PDE4B: variants seen among roughly 807,000 people sequenced by gnomAD.
PDE4B encodes 3',5'-cyclic-AMP phosphodiesterase 4B.
Under a neutral mutation model 82.2 loss-of-function variants are expected in PDE4B, and 20 were observed. The observed-to-expected ratio is 0.24, with a 90% CI of 0.17 to 0.35. The LOEUF is 0.35. PDE4B is among the 10% of genes least tolerant of loss of function. The probability of loss-of-function intolerance (pLI) is 1.00; values close to 1 mark genes in which losing one functional copy is unlikely to be tolerated. For missense variants in PDE4B, 655 were observed against 907.2 expected, an observed-to-expected ratio of 0.72 and a Z score of 3.57; for synonymous variants, 320 against 318.9, an observed-to-expected ratio of 1.00 and a Z score of -0.04.
intron 3 of PDE4B, among the ~76,000 whole-genome samples, chr1:65,968,980 C>T (rs1299754160): frequency 2.6e-5 from 4 of 152,030 alleles, no homozygotes; most frequent in African/African-American, 9.7e-5. Context: ...CAGCATTGCT[C>T]GTTTTGTTCC....
chr1:66,288,216 G>A (rs1328393092), intron 7 of PDE4B, among the ~76,000 whole-genome samples: 1 of 151,984 alleles, frequency 6.6e-6, no homozygotes, highest in African/African-American at 2.4e-5. Context: ...GCAAGAGAGA[G>A]AGGGCAAGGT....
intron 3 of PDE4B, among the ~76,000 whole-genome samples, chr1:66,030,142 G>T (rs1331029932): frequency 6.6e-6 from 1 of 151,898 alleles, no homozygotes; most frequent in African/African-American, 2.4e-5. Context: ...TGTTTATGGG[G>T]TGAATCACAT....
At chr1:66,235,632 C>T (rs1652348856) in intron 3 of PDE4B, among the ~76,000 whole-genome samples, 1 of 152,036 alleles carries the variant, frequency 6.6e-6, no homozygotes, top group Non-Finnish European at 1.5e-5. Context: ...TCAGGTCATG[C>T]TTTTTTAATC....
chr1:66,305,954 G>A (rs1012593274), intron 7 of PDE4B, among the ~76,000 whole-genome samples: 6 of 152,048 alleles, frequency 3.9e-5, no homozygotes, highest in Admixed American at 6.6e-5. Context: ...ACAAAGGGCC[G>A]CAGCAGAGGC....
chr1:66,037,932 A>T (rs767212204), intron 3 of PDE4B, among the ~76,000 whole-genome samples: 5 of 152,192 alleles, frequency 3.3e-5, no homozygotes, highest in Admixed American at 6.5e-5. Context: ...TTTAAATTGT[A>T]TGATAAATTA....
At chr1:66,207,815 A>G (rs1649677856) in intron 3 of PDE4B, among the ~76,000 whole-genome samples, 1 of 152,190 alleles carries the variant, frequency 6.6e-6, no homozygotes, top group African/African-American at 2.4e-5. Flanking sequence ...GGATCTTCTC[A>G]TTCGTTTGTA....
chr1:66,325,205 C>T lies in PDE4B; in HGVS notation c.635-7303C>T, dbSNP rs530992536. ...ACCCAAACGTAAGACATCTACAGGG[C>T]TAGAAGCTTGTGAATGAAGCTAAAA... On this transcript the variant is annotated intron_variant, in intron 7 of 16. Coordinates refer to ENST00000341517, the MANE Select transcript of PDE4B (RefSeq NM_002600.4). Among the ~76,000 whole-genome samples, 11 of 152,266 alleles carry T rather than the reference C, an allele frequency of 7.2e-5. No homozygotes were observed. The East Asian group carries it at 2.1e-3, about 29-fold the overall frequency.
chr1:66,287,080 A>T (rs1315481250), intron 7 of PDE4B, among the ~76,000 whole-genome samples: 2 of 152,124 alleles, frequency 1.3e-5, no homozygotes, highest in Non-Finnish European at 2.9e-5. Flanking sequence ...CCTCAGAGGG[A>T]TTATAGTGAA....
At chr1:66,226,146 A>G (rs1009161387) in intron 3 of PDE4B, among the ~76,000 whole-genome samples, 6 of 152,186 alleles carry the variant, frequency 3.9e-5, no homozygotes, top group African/African-American at 1.4e-4. Flanking sequence ...TAATTTTTTA[A>G]AGCTGAGCAT....
At chr1:66,358,528 G>C (rs1162448680) in intron 9 of PDE4B, among the ~76,000 whole-genome samples, 1 of 152,000 alleles carries the variant, frequency 6.6e-6, no homozygotes, top group Non-Finnish European at 1.5e-5. Context: ...TACAAAAATA[G>C]CTGGGCATGG....
rs367831686 is a variant in PDE4B at position 66,272,992 on chromosome 1, A to G, written c.634+6905A>G. Among the ~76,000 whole-genome samples the G allele has an allele frequency of 3.3e-5, 5 of 151,710 alleles. No homozygotes were observed. In the East Asian group the frequency reaches 9.7e-4, roughly 29 times the overall value. On this transcript the variant is annotated intron_variant, in intron 7 of 16. Coordinates refer to ENST00000341517, the MANE Select transcript of PDE4B (RefSeq NM_002600.4). ...TTTTTAGTAGAGACAGGGTTTCACCATGTTGGCCAAGATGGTCTCAATCTC... is the reference window on the plus strand; with the variant it reads ...TTTTTAGTAGAGACAGGGTTTCACCGTGTTGGCCAAGATGGTCTCAATCTC...
At chr1:65,872,970 T>A (rs1312080303) in intron 1 of PDE4B, among the ~76,000 whole-genome samples, 1 of 152,198 alleles carries the variant, frequency 6.6e-6, no homozygotes, top group African/African-American at 2.4e-5. Context: ...CATCTTCATA[T>A]GCAAATAAAT....
intron 3 of PDE4B, among the ~76,000 whole-genome samples, chr1:66,153,804 C>T (rs1421588728): frequency 6.6e-6 from 1 of 152,148 alleles, no homozygotes; most frequent in Non-Finnish European, 1.5e-5. Flanking sequence ...GACCAGACAG[C>T]AGGCTTGTAG....
At position 66,125,459 on chromosome 1, in the gene PDE4B, G is replaced by A. The variant is rs61450997; in HGVS notation, c.282-122001G>A. Reference sequence around the variant, plus strand: ...TTACAGGCGTGAGCCACCACGCCCTGCCCCTTACTTGTTTTAATTACTTTT... The same window carrying A: ...TTACAGGCGTGAGCCACCACGCCCTACCCCTTACTTGTTTTAATTACTTTT... On this transcript the variant is annotated intron_variant, in intron 3 of 16. Transcript: ENST00000341517. Among the ~76,000 whole-genome samples the A allele has an allele frequency of 2.9e-3, 443 of 152,162 alleles. 2 individuals are homozygous for A. Among genetic ancestry groups the A allele is most frequent in the African/African-American group, 0.01 (424 of 41,520 alleles).
Position 66,372,746 on chromosome 1 carries a change from C to G in PDE4B, c.*68C>G. 1 of 1,518,152 alleles carries G rather than the reference C, an allele frequency of 6.6e-7. No homozygotes were observed. 94.0% of individuals were successfully genotyped at this position (1,518,152 alleles called of 1,614,324 possible). On this transcript the variant is annotated 3_prime_UTR_variant, in exon 17 of 17. Coordinates refer to ENST00000341517, the MANE Select transcript of PDE4B (RefSeq NM_002600.4). Reference sequence around the variant, plus strand: ...CATGCCAGCTATGTGGTAGGGCCAGCCCACCATGGGGGCCAAGACCTGCAC... The same window carrying G: ...CATGCCAGCTATGTGGTAGGGCCAGGCCACCATGGGGGCCAAGACCTGCAC...
intron 3 of PDE4B, among the ~76,000 whole-genome samples, chr1:66,038,961 CA>C (rs1373532854): frequency 6.6e-6 from 1 of 151,960 alleles, no homozygotes; most frequent in African/African-American, 2.4e-5. Flanking sequence ...AAGTCCTATT[CA>C]GTAAAAATTT....
chr1:66,070,939 C>A (rs1656124164), intron 3 of PDE4B, among the ~76,000 whole-genome samples: 1 of 151,792 alleles, frequency 6.6e-6, no homozygotes, highest in Non-Finnish European at 1.5e-5. Flanking sequence ...ATTACAAAAT[C>A]CATTTAAAAT....
At chr1:65,933,607 G>T (rs1010087644) in intron 3 of PDE4B, among the ~76,000 whole-genome samples, 14 of 152,056 alleles carry the variant, frequency 9.2e-5, no homozygotes, top group African/African-American at 3.4e-4. Context: ...GGCAGAGATT[G>T]CATTGAGCCG....
At chr1:65,993,285 TG>T (rs1203093654) in intron 3 of PDE4B, 2 of 623,970 alleles carry the variant, frequency 3.2e-6, no homozygotes, top group Non-Finnish European at 5.5e-6. Context: ...CCAGGTCAGA[TG>T]AAGAGTACAT....
Sources: gnomAD v4.1 joint callset for allele counts (sites outside exome capture counted in the v4.1 genomes callset) on GRCh38, gnomAD v4.1.1 for gene constraint, MANE v1.5 for transcripts, NCBI Gene and HGNC (gene_info 2026-07-23, HGNC 2026-07-21) for gene names.